Variants in BTAF1 observed in about 807,000 individuals in gnomAD.
The protein encoded by BTAF1 is TATA-binding protein-associated factor 172.
BTAF1 carries 38 observed loss-of-function variants against 227.1 expected under a neutral mutation model. That is an observed-to-expected ratio of 0.17 (90% CI 0.13 to 0.22). The LOEUF (loss-of-function observed/expected upper bound fraction) is 0.22, where lower values mean the gene tolerates loss of function less well. BTAF1 is among the 10% of genes least tolerant of loss of function. The pLI is 1.00. For missense variants in BTAF1, 1,598 were observed against 2,204.0 expected (o/e 0.73, Z 5.51); for synonymous variants, 742 against 751.9 (o/e 0.99, Z 0.21).
At chr10:91,952,217 C>G (rs1845815490) in intron 5 of BTAF1, among the ~76,000 whole-genome samples, 1 of 151,914 alleles carries the variant, frequency 6.6e-6, no homozygotes, top group Non-Finnish European at 1.5e-5. Context: ...TTTACCTTTT[C>G]TCACTTCATA....
At chr10:91,926,075 G>C (rs1403326602) in intron 1 of BTAF1, among the ~76,000 whole-genome samples, 1 of 152,084 alleles carries the variant, frequency 6.6e-6, no homozygotes, top group African/African-American at 2.4e-5. Context: ...GTCAATTCTT[G>C]ACTTTTTCAC....
intron 15 of BTAF1, among the ~76,000 whole-genome samples, 154 bp downstream of exon 15, chr10:91,980,712 A>G (rs531696518): frequency 6.6e-6 from 1 of 152,148 alleles, no homozygotes; most frequent in South Asian, 2.1e-4. Flanking sequence ...GGCTTCTTAC[A>G]TGTAGCATGT....
intron 33 of BTAF1, among the ~76,000 whole-genome samples, chr10:92,017,963 ATATAAGGTT>A (rs1342781511): frequency 6.6e-6 from 1 of 152,220 alleles, no homozygotes; most frequent in Non-Finnish European, 1.5e-5. Context: ...AGAAGAGACC[ATATAAGGTT>A]CTGTTTCACA....
chr10:91,983,373 T>C (rs569276863), intron 18 of BTAF1, among the ~76,000 whole-genome samples: 3 of 152,368 alleles, frequency 2.0e-5, no homozygotes, highest in African/African-American at 7.2e-5. Context: ...TTCTGGAAAT[T>C]TAACTGTCTG....
At chr10:91,979,614 G>C (rs1473305829) in intron 14 of BTAF1, among the ~76,000 whole-genome samples, 2 of 152,052 alleles carry the variant, frequency 1.3e-5, no homozygotes, top group African/African-American at 4.8e-5. Flanking sequence ...GGAGGGCAGG[G>C]GCTGTTAGGT....
chr10:91,928,264 G>C (rs1844005907), intron 1 of BTAF1, among the ~76,000 whole-genome samples: 1 of 152,174 alleles, frequency 6.6e-6, no homozygotes, highest in East Asian at 1.9e-4. Flanking sequence ...GAATGTGGCA[G>C]ATTATGAAAT....
At chr10:91,986,880 G>T (rs1167526090) in intron 19 of BTAF1, among the ~76,000 whole-genome samples, 1 of 151,870 alleles carries the variant, frequency 6.6e-6, no homozygotes, top group Middle Eastern at 3.2e-3. Context: ...TGAGGGAAGG[G>T]CAGTTTTCAA....
Position 92,007,210 on chromosome 10 carries a change from C to CTTTTTT in BTAF1, c.3661-892_3661-887dup, listed in dbSNP as rs969389265. 2.6e-4 allele frequency among the ~76,000 whole-genome samples: 16 copies of CTTTTTT among 61,278 alleles called. 1 individual carries two copies. Among genetic ancestry groups the CTTTTTT allele is most frequent in the Non-Finnish European group, 4.6e-4 (14 of 30,504 alleles). The allele number at this position is 61,278 out of a possible 152,430, so 40.2% of individuals were successfully genotyped here. The stretch of plus-strand genomic sequence containing the variant: ...ACTGCTCTATCAAGGTATTTTTTGT[C>CTTTTTT]TTTTTTTTTTTTTTTTTTTTTTTTT... On this transcript the variant is annotated intron_variant, in intron 25 of 37. Transcript: ENST00000265990.
At chr10:91,933,533 A>T (rs921374375) in intron 1 of BTAF1, among the ~76,000 whole-genome samples, 2 of 152,194 alleles carry the variant, frequency 1.3e-5, no homozygotes, top group African/African-American at 4.8e-5. Context: ...AGTTTGGAGA[A>T]CAGGGTAATA....
chr10:91,991,455 A>G (rs560857885), intron 20 of BTAF1, among the ~76,000 whole-genome samples: 1 of 149,874 alleles, frequency 6.7e-6, no homozygotes, highest in African/African-American at 2.4e-5. Flanking sequence ...AAAAATAACA[A>G]CAAAAAATTA....
intron 14 of BTAF1, among the ~76,000 whole-genome samples, chr10:91,972,204 T>G (rs1250078532): frequency 6.6e-6 from 1 of 152,194 alleles, no homozygotes; most frequent in Non-Finnish European, 1.5e-5. Flanking sequence ...ATTCCTGTCT[T>G]TCTTGGTTTT....
chr10:91,938,619 C>T (rs1038399953), intron 2 of BTAF1, among the ~76,000 whole-genome samples: 11 of 152,180 alleles, frequency 7.2e-5, no homozygotes, highest in East Asian at 1.9e-4. Flanking sequence ...GCCACTGATT[C>T]GTATGTCTAT....
chr10:92,018,518 C>T (rs181528721), intron 33 of BTAF1, among the ~76,000 whole-genome samples: 3 of 152,236 alleles, frequency 2.0e-5, no homozygotes, highest in Non-Finnish European at 2.9e-5. Context: ...GCTCAATTTG[C>T]CATGGGAAGC....
chr10:91,939,976 A>G lies in BTAF1; in HGVS notation c.163A>G (p.Asn55Asp), dbSNP rs1312930742. ...SKVLIYLRSA[N>D]WDTRIAAGQA... ...GGTGTTGATATATTTAAGGAGTGCA[A>G]ATTGGGATACCCGGATTGCAGCAGG... Residue 55 changes from asparagine (N) to aspartate (D), a missense_variant, in exon 3 of 38, where the codon AAT becomes GAT. Physicochemically the swap from Asn to Asp is conservative, Grantham distance 23 (BLOSUM62 1). This residue lies in a region of BTAF1 where 298 missense variants were observed against 395.2 expected (regional missense o/e 0.75). Coordinates refer to ENST00000265990, the MANE Select transcript of BTAF1 (RefSeq NM_003972.3). 6.2e-7 allele frequency: 1 copy of G among 1,612,706 alleles called. No individual in the cohort carries two copies. Among genetic ancestry groups the G allele is most frequent in the Admixed American group, 1.7e-5 (1 of 59,994 alleles).
intron 11 of BTAF1, 48 bp from the exon 12 acceptor site, chr10:91,962,490 G>A: frequency 1.5e-6 from 2 of 1,351,818 alleles, no homozygotes; most frequent in Non-Finnish European, 2.0e-6. Flanking sequence ...TTTAAGCACA[G>A]TAACTGTAGA....
In BTAF1 at chr10:92,013,974, A is replaced by G. The variant is rs1258935579; in HGVS notation, c.4529A>G (p.Gln1510Arg). The change falls in exon 32 of 38, where the codon CAG becomes CGG. Residue 1510 changes from glutamine to arginine, a missense_variant. Gln to Arg is a conservative substitution (Grantham distance 43). Coordinates refer to ENST00000265990, the MANE Select transcript of BTAF1 (RefSeq NM_003972.3). ...LLRRMKEDVL[Q>R]DLPPKIIQDY... The stretch of plus-strand genomic sequence containing the variant: ...AGAAGAATGAAAGAAGATGTTTTGC[A>G]GGATCTTCCACCTAAAATTATTCAA... The G allele has an allele frequency of 5.0e-6, 8 of 1,613,858 alleles. No individual in the cohort carries two copies. The highest frequency in any genetic ancestry group is 4.2e-6 in the Non-Finnish European group (5 of 1,179,942).
At chr10:91,980,362 G>A (rs1457687343) in intron 14 of BTAF1, 92 bp from the exon 15 acceptor site, 3 of 925,854 alleles carry the variant, frequency 3.2e-6, no homozygotes, top group South Asian at 2.9e-5. Context: ...TCTTTTCATG[G>A]TAGTACTTTT....
intron 6 of BTAF1, among the ~76,000 whole-genome samples, chr10:91,955,923 A>G (rs958899802): frequency 6.6e-6 from 1 of 152,226 alleles, no homozygotes; most frequent in Non-Finnish European, 1.5e-5. Flanking sequence ...AATGCTGTAT[A>G]TGCTTTAAAA....
At chr10:91,979,988 T>C (rs1000550031) in intron 14 of BTAF1, among the ~76,000 whole-genome samples, 1 of 152,226 alleles carries the variant, frequency 6.6e-6, no homozygotes, top group Non-Finnish European at 1.5e-5. Flanking sequence ...GAACTCCAAG[T>C]AGAAGTTTCT....
Sources: allele counts gnomAD v4.1 joint callset (sites outside exome capture counted in the v4.1 genomes callset), GRCh38; gene constraint gnomAD v4.1.1; regional missense constraint gnomAD v4.1.1; transcripts MANE v1.5; gene names NCBI Gene and HGNC (gene_info 2026-07-23, HGNC 2026-07-21).